The following GALNT13 variants were observed in gnomAD, a reference collection of about 807,000 sequenced individuals.
GALNT13 encodes the protein polypeptide N-acetylgalactosaminyltransferase 13.
A neutral mutation model predicts 64.2 loss-of-function variants in GALNT13; 28 were observed. The ratio of observed to expected loss-of-function variants is 0.44; its 90% CI spans 0.32 to 0.60. GALNT13 has a LOEUF of 0.60. Among genes scored for constraint, GALNT13 ranks in the 20% least tolerant of loss-of-function variants. The pLI is 0.05. For synonymous variants in GALNT13, 214 were observed against 224.6 expected, an observed-to-expected ratio of 0.95 and a Z score of 0.42; for missense variants, 577 against 669.8, an observed-to-expected ratio of 0.86 and a Z score of 1.53.
chr2:153,597,619 AT>A, the GALNT13 span, among the ~76,000 whole-genome samples: 3 of 152,132 alleles, frequency 2.0e-5, no homozygotes, highest in Non-Finnish European at 4.4e-5. Context: ...CAGCAAAAAA[AT>A]AAATAAATTA....
chr2:153,322,732 A>T, the GALNT13 span, among the ~76,000 whole-genome samples: 1 of 152,022 alleles, frequency 6.6e-6, no homozygotes, highest in Non-Finnish European at 1.5e-5. Context: ...ACTCCCACTT[A>T]TGAGTGAGAA....
chr2:153,928,088 T>G (rs1690274171), intron 2 of GALNT13, among the ~76,000 whole-genome samples: 1 of 152,074 alleles, frequency 6.6e-6, no homozygotes, highest in South Asian at 2.1e-4. Flanking sequence ...TGCTTTTGTT[T>G]GACTTTATTT....
chr2:153,569,361 T>C, the GALNT13 span, among the ~76,000 whole-genome samples: 1 of 152,078 alleles, frequency 6.6e-6, no homozygotes. Flanking sequence ...TATACTCTTT[T>C]AAAAATTATC....
chr2:153,789,251 C>T, the GALNT13 span, among the ~76,000 whole-genome samples: 2 of 152,136 alleles, frequency 1.3e-5, no homozygotes, highest in African/African-American at 4.8e-5. Flanking sequence ...CAAACACACT[C>T]TCAGACCACA....
intron 3 of GALNT13, among the ~76,000 whole-genome samples, chr2:154,111,793 G>C (rs372568857): frequency 6.6e-6 from 1 of 152,126 alleles, no homozygotes; most frequent in African/African-American, 2.4e-5. Context: ...GCAAAGTATT[G>C]TCACCTAGTT....
chr2:154,223,793 T>C (rs373601598), intron 4 of GALNT13, among the ~76,000 whole-genome samples: 1 of 152,118 alleles, frequency 6.6e-6, no homozygotes, highest in East Asian at 1.9e-4. Context: ...TAACATTACA[T>C]TGAAATTAAA....
the GALNT13 span, among the ~76,000 whole-genome samples, chr2:153,724,040 C>T: frequency 6.8e-6 from 1 of 146,348 alleles, no homozygotes; most frequent in African/African-American, 2.6e-5. Flanking sequence ...CATCACACTA[C>T]CTGACTTCAA....
intron 11 of GALNT13, among the ~76,000 whole-genome samples, chr2:154,411,361 A>ACACACACAC (rs1390024313): frequency 1.7e-5 from 2 of 118,506 alleles, no homozygotes; most frequent in Admixed American, 1.6e-4. Context: ...CACACACACA[A>ACACACACAC]ATGTTTTTGG....
the GALNT13 span, among the ~76,000 whole-genome samples, chr2:153,118,485 G>A: frequency 6.6e-6 from 1 of 152,052 alleles, no homozygotes; most frequent in Non-Finnish European, 1.5e-5. Context: ...TCCCACATTG[G>A]GGTACAATTA....
chr2:153,548,030 A>T, the GALNT13 span, among the ~76,000 whole-genome samples: 1 of 152,222 alleles, frequency 6.6e-6, no homozygotes, highest in Non-Finnish European at 1.5e-5. Context: ...TGGTAATAAT[A>T]TTATTTAATG....
the GALNT13 span, among the ~76,000 whole-genome samples, chr2:153,127,075 A>G: frequency 4.6e-5 from 7 of 152,218 alleles, no homozygotes; most frequent in Non-Finnish European, 1.0e-4. Flanking sequence ...TGAAGAAAAT[A>G]CAAGCTACAA....
the GALNT13 span, among the ~76,000 whole-genome samples, chr2:153,306,639 T>C: frequency 6.6e-6 from 1 of 152,234 alleles, no homozygotes; most frequent in Non-Finnish European, 1.5e-5. Flanking sequence ...CAGGCATTCC[T>C]ATACCCTATA....
chr2:153,953,674 A>C (rs1405059954), intron 3 of GALNT13, among the ~76,000 whole-genome samples: 1 of 152,312 alleles, frequency 6.6e-6, no homozygotes, highest in Non-Finnish European at 1.5e-5. Context: ...TCTCAGAGAC[A>C]TTCTACACCC....
chr2:153,162,639 T>C, the GALNT13 span, among the ~76,000 whole-genome samples: 1 of 152,232 alleles, frequency 6.6e-6, no homozygotes, highest in Non-Finnish European at 1.5e-5. Context: ...TTCATTTTTC[T>C]AGTAACATAT....
At chr2:153,299,872 G>T in the GALNT13 span, among the ~76,000 whole-genome samples, 3 of 152,170 alleles carry the variant, frequency 2.0e-5, no homozygotes, top group African/African-American at 7.2e-5. Context: ...CTGCCCATTG[G>T]TAGTCTTTTG....
chr2:153,094,308 G>A, the GALNT13 span, among the ~76,000 whole-genome samples: 1 of 151,792 alleles, frequency 6.6e-6, no homozygotes, highest in South Asian at 2.1e-4. Flanking sequence ...GATATGTTTT[G>A]GTATGTTGTG....
chr2:154,038,794 C>G (rs1436882948), intron 3 of GALNT13, among the ~76,000 whole-genome samples: 1 of 151,786 alleles, frequency 6.6e-6, no homozygotes, highest in African/African-American at 2.4e-5. Context: ...TTCTGTACAG[C>G]AAAGGAAAAA....
At chr2:154,436,736 C>T (rs1700991890) in intron 11 of GALNT13, 1 of 152,066 alleles carries the variant, frequency 6.6e-6, no homozygotes, top group African/African-American at 2.4e-5. Flanking sequence ...TCATAAAAAA[C>T]ATATGAACAT....
chr2:154,384,525 T>C (rs1173874424), intron 9 of GALNT13, among the ~76,000 whole-genome samples: 1 of 151,928 alleles, frequency 6.6e-6, no homozygotes, highest in East Asian at 1.9e-4. Context: ...ATGCAAAACT[T>C]CCTTTTTACC....
Sources: gnomAD v4.1 joint callset for allele counts (sites outside exome capture counted in the v4.1 genomes callset) on GRCh38, gnomAD v4.1.1 for gene constraint, MANE v1.5 for transcripts, NCBI Gene and HGNC (gene_info 2026-07-23, HGNC 2026-07-21) for gene names.